The following FBXO41 variants were observed in gnomAD, a reference collection of about 807,000 sequenced individuals.
The protein encoded by FBXO41 is F-box protein 41.
A neutral mutation model predicts 81.6 loss-of-function variants in FBXO41; 33 were observed. The observed-to-expected ratio is 0.40, with a 90% CI of 0.31 to 0.54. The LOEUF (loss-of-function observed/expected upper bound fraction) is 0.54, where lower values mean the gene tolerates loss of function less well. Ranked by LOEUF, FBXO41 falls within the 20% of genes least tolerant of loss-of-function variation. FBXO41 has a pLI of 0.39. For synonymous variants in FBXO41, 576 were observed against 552.7 expected, an observed-to-expected ratio of 1.04 and a Z score of -0.59; for missense variants, 1,107 against 1,236.0, an observed-to-expected ratio of 0.90 and a Z score of 1.56.
intron 1 of FBXO41, among the ~76,000 whole-genome samples, chr2:73,277,259 TA>T (rs1194131249): frequency 6.6e-6 from 1 of 152,250 alleles, no homozygotes; most frequent in Admixed American, 6.5e-5. Flanking sequence ...GGAGTGACTA[TA>T]AATCTTAGGA....
intron 1 of FBXO41, among the ~76,000 whole-genome samples, chr2:73,276,932 G>C (rs931011132): frequency 3.3e-5 from 5 of 152,236 alleles, no homozygotes; most frequent in African/African-American, 1.2e-4. Flanking sequence ...TGAGCCTGGT[G>C]TCAGGGTATC....
chr2:73,270,989 C>T, intron 1 of FBXO41: 1 of 524,292 alleles, frequency 1.9e-6, no homozygotes, highest in Non-Finnish European at 3.9e-6. Context: ...CATGAGCTTT[C>T]CTGTCTGGAT....
At chr2:73,273,349 G>A (rs1688596171) in intron 1 of FBXO41, among the ~76,000 whole-genome samples, 2 of 122,902 alleles carry the variant, frequency 1.6e-5, no homozygotes, top group African/African-American at 5.1e-5. Context: ...GGTCTGTGTC[G>A]ATCTTTGACA....
intron 1 of FBXO41, among the ~76,000 whole-genome samples, chr2:73,278,520 A>G (rs1688757345): frequency 6.6e-6 from 1 of 152,192 alleles, no homozygotes; most frequent in Non-Finnish European, 1.5e-5. Flanking sequence ...AGGTTTGTTG[A>G]GGACAAAGAC....
In FBXO41 at chr2:73,265,880, G is replaced by A. The variant is rs1688248146; in HGVS notation, c.1205+13C>T. The A allele has an allele frequency of 1.9e-6, 3 of 1,577,588 alleles. No homozygotes were observed. Among genetic ancestry groups the A allele is most frequent in the Non-Finnish European group, 2.6e-6 (3 of 1,161,338 alleles). ...GGGTGGGCTGCATGGGGTGGGCTGG[G>A]CCCAAGGCTTACCCTGTGCTCGGAG... On this transcript the variant is annotated intron_variant, in intron 4 of 12. Coordinates refer to ENST00000520530, the MANE Select transcript of FBXO41 (RefSeq NM_001371389.2).
At position 73,266,581 on chromosome 2, in the gene FBXO41, G is replaced by T; in HGVS notation, c.1007C>A (p.Ala336Asp). 6.2e-7 allele frequency: 1 copy of T among 1,610,952 alleles called. No individual in the cohort carries two copies. The highest frequency in any genetic ancestry group is 8.5e-7 in the Non-Finnish European group (1 of 1,179,142). The stretch of plus-strand genomic sequence containing the variant: ...CTGCAGCTGCCGCTCGGCACGGTCA[G>T]CCCGCTCAAGGAGCTCCTCAATGAA... ...QQFIEELLER[A>D]DRAERQLQVI... Residue 336 changes from alanine to aspartate, a missense_variant, in exon 3 of 13, where the codon GCT (alanine) becomes GAT (aspartate). This residue lies in a region of FBXO41 where 771 missense variants were observed against 789.2 expected (regional missense o/e 0.98). Coordinates refer to ENST00000520530, the MANE Select transcript of FBXO41 (RefSeq NM_001371389.2). The surrounding 1 kb of genome is among the most constrained non-coding windows in gnomAD (Gnocchi z 5.3).
At position 73,255,657 on chromosome 2, in the gene FBXO41, C is replaced by T. The variant is rs889997937; in HGVS notation, c.*3325G>A. The T allele has an allele frequency of 6.6e-6, 1 of 152,650 alleles. No individual in the cohort carries two copies. The highest frequency in any genetic ancestry group is 1.9e-4 in the East Asian group (1 of 5,182). The allele number at this position is 152,650 out of a possible 1,614,324, so 9.5% of individuals were successfully genotyped here. On this transcript the variant is annotated 3_prime_UTR_variant, in exon 13 of 13. Coordinates refer to ENST00000520530, the MANE Select transcript of FBXO41 (RefSeq NM_001371389.2). ...ACCAATAGTCACTCTGGGAAGGCCT[C>T]CTTCAACTTAGCGCCTTAGAGGGAT...
chr2:73,270,237 A>G (rs2103892213), intron 1 of FBXO41, among the ~76,000 whole-genome samples: 1 of 152,308 alleles, frequency 6.6e-6, no homozygotes, highest in African/African-American at 2.4e-5. Context: ...TGATGAAGTC[A>G]GCATAGAGGT....
chr2:73,269,085 C>T lies in FBXO41; in HGVS notation c.546G>A (p.Gly182=). The stretch of plus-strand genomic sequence containing the variant: ...GGGACGCGGGCGAAGCGGAGGCAGG[C>T]CCGGGGCAAGGGCCGGGGCCGGGGC... ...PPGPGPGPCP[G]PASASPASPS... is the part of the protein sequence containing the mutation. The change falls in exon 2 of 13, where the codon GGG becomes GGA. Residue 182 remains glycine, a synonymous_variant. Transcript: ENST00000520530. The surrounding 1 kb of genome is among the most constrained non-coding windows in gnomAD (Gnocchi z 7.0). The T allele has an allele frequency of 6.6e-7, 1 of 1,508,988 alleles. No individual in the cohort carries two copies. The highest frequency in any genetic ancestry group is 8.8e-7 in the Non-Finnish European group (1 of 1,136,096). 93.5% of individuals were successfully genotyped at this position (1,508,988 alleles called of 1,614,324 possible).
intron 9 of FBXO41, among the ~76,000 whole-genome samples, chr2:73,261,686 C>T (rs897133513): frequency 1.3e-5 from 2 of 152,190 alleles, no homozygotes; most frequent in African/African-American, 4.8e-5. Flanking sequence ...CCAATACTTT[C>T]TAGATAAAAT....
chr2:73,265,513 G>C lies in FBXO41; in HGVS notation c.1333C>G (p.Gln445Glu), dbSNP rs767441241. Residue 445 changes from glutamine (Q) to glutamate (E), a missense_variant, in exon 5 of 13, where the codon CAG (glutamine) becomes GAG (glutamate). Physicochemically the swap from Gln to Glu is conservative, Grantham distance 29. Around this residue, in one of 2 missense-constraint regions of FBXO41, gnomAD observed 771 missense variants for 789.2 expected, o/e 0.98. Transcript: ENST00000520530. ...SGPGGLGTRA[Q>E]AANGGSERSQ... The stretch of plus-strand genomic sequence containing the variant: ...CGCTCTGAGCCCCCGTTGGCAGCCT[G>C]GGCCCGTGTGCCCAAGCCCCCAGGG... The C allele has an allele frequency of 6.3e-7, 1 of 1,595,356 alleles. No homozygotes were observed.
At chr2:73,272,266 A>G (rs910612730) in intron 1 of FBXO41, 1 of 152,238 alleles carries the variant, frequency 6.6e-6, no homozygotes. Context: ...GTAAGGTCCA[A>G]CAAGCAAGAG....
intron 1 of FBXO41, among the ~76,000 whole-genome samples, chr2:73,281,903 G>A (rs1283554663): frequency 6.6e-6 from 1 of 152,244 alleles, no homozygotes; most frequent in Non-Finnish European, 1.5e-5. Flanking sequence ...CAAAGCTCAT[G>A]CCCTTGGTCT....
rs1382683482 is a variant in FBXO41, at chr2:73,284,408, A to AGGAGGAGGG, written c.-396_-388dup. 2.6e-5 allele frequency: 4 copies of AGGAGGAGGG among 151,352 alleles called. No individual in the cohort carries two copies. The highest frequency in any genetic ancestry group is 6.6e-5 in the Admixed American group (1 of 15,256). 9.4% of individuals were successfully genotyped at this position (151,352 alleles called of 1,614,324 possible). A position where few individuals can be genotyped will look rare whatever the true frequency, so the allele number is the denominator to read the frequency against. ...GGAGGAAGGATGGAGGAGGAGGAGG[A>AGGAGGAGGG]GGAGGAGGGGGAGGAGGGGGCGCGC... On this transcript the variant is annotated 5_prime_UTR_variant, in exon 1 of 13. Transcript: ENST00000520530. The surrounding 1 kb of genome is among the most constrained non-coding windows in gnomAD (Gnocchi z 7.4).
chr2:73,260,081 G>T lies in FBXO41; in HGVS notation c.2449+308C>A, dbSNP rs1268152914. ...GTCTTCACCCTGAGAACTGTCCTTG[G>T]GGGGGCTTCCATATATCATCTCATT... On this transcript the variant is annotated intron_variant, in intron 11 of 12. Transcript: ENST00000520530. The surrounding 1 kb of genome is among the most constrained non-coding windows in gnomAD (Gnocchi z 5.0). Among the ~76,000 whole-genome samples the T allele has an allele frequency of 6.6e-6, 1 of 151,992 alleles. No homozygotes were observed. The highest frequency in any genetic ancestry group is 2.4e-5 in the African/African-American group (1 of 41,350).
chr2:73,259,820 C>T lies in FBXO41; in HGVS notation c.2450-524G>A, dbSNP rs1687941275. Reference sequence around the variant, plus strand: ...TCTGGTGGTAAAGTCCAGGGTATCCCATGTGGCTGAAGGGGGAGGAAGGTC... The same window carrying T: ...TCTGGTGGTAAAGTCCAGGGTATCCTATGTGGCTGAAGGGGGAGGAAGGTC... On this transcript the variant is annotated intron_variant, in intron 11 of 12. Coordinates refer to ENST00000520530, the MANE Select transcript of FBXO41 (RefSeq NM_001371389.2). The surrounding 1 kb of genome is among the most constrained non-coding windows in gnomAD (Gnocchi z 4.2). Among the ~76,000 whole-genome samples, 1 of 152,082 alleles carries T rather than the reference C, an allele frequency of 6.6e-6. No individual in the cohort carries two copies. The highest frequency in any genetic ancestry group is 1.5e-5 in the Non-Finnish European group (1 of 68,010).
At chr2:73,271,628 C>CCA (rs1553384750) in intron 1 of FBXO41, 1 of 146,226 alleles carries the variant, frequency 6.8e-6, no homozygotes, top group Non-Finnish European at 1.5e-5. Flanking sequence ...TGCACTCCCC[C>CCA]CCCCCCAACT....
At position 73,269,447 on chromosome 2, in the gene FBXO41, AGGCAGCGGCGGCGGC is replaced by A. The variant is rs1558588283; in HGVS notation, c.169_183del (p.Ala57_Ala61del). 9.9e-6 allele frequency: 13 copies of A among 1,308,544 alleles called. No homozygotes were observed. Among genetic ancestry groups the A allele is most frequent in the Non-Finnish European group, 1.3e-5 (13 of 1,032,502 alleles). The allele number at this position is 1,308,544 out of a possible 1,614,324, so 81.1% of individuals were successfully genotyped here. A position where few individuals can be genotyped will look rare whatever the true frequency, so the allele number is the denominator to read the frequency against. ...GGCTCGGGAGCCAGCGGGAACCCCG[AGGCAGCGGCGGCGGC>A]GGCCGCGGCGGCGGCGGCGCCGTCG... On this transcript the variant is annotated inframe_deletion, in exon 2 of 13. Coordinates refer to ENST00000520530, the MANE Select transcript of FBXO41 (RefSeq NM_001371389.2). This position sits in a 1 kb window ranked among gnomAD's most constrained non-coding sequence, Gnocchi z 7.0.
chr2:73,277,624 A>G (rs1688733891), intron 1 of FBXO41, among the ~76,000 whole-genome samples: 1 of 151,290 alleles, frequency 6.6e-6, no homozygotes, highest in Non-Finnish European at 1.5e-5. Flanking sequence ...GAAGGATTCT[A>G]CAGGCTGAAC....
Sources: allele counts gnomAD v4.1 joint callset (sites outside exome capture counted in the v4.1 genomes callset), GRCh38; gene constraint gnomAD v4.1.1; regional missense constraint gnomAD v4.1.1; non-coding constraint Gnocchi (gnomAD v3.1); transcripts MANE v1.5; gene names NCBI Gene and HGNC (gene_info 2026-07-23, HGNC 2026-07-21).